The following RPS6KA2 variants were observed in gnomAD, a reference collection of about 807,000 sequenced individuals.
RPS6KA2 encodes ribosomal protein S6 kinase A2.
In RPS6KA2, 42 loss-of-function variants were observed where a neutral mutation model predicts 91.8. That is an observed-to-expected ratio of 0.46 (90% CI 0.36 to 0.59). RPS6KA2 has a LOEUF of 0.59. RPS6KA2 is among the 20% of genes least tolerant of loss of function. The probability of loss-of-function intolerance (pLI) is 0.00; values close to 1 mark genes in which losing one functional copy is unlikely to be tolerated. For missense variants in RPS6KA2, 798 were observed against 978.5 expected, an observed-to-expected ratio of 0.82 and a Z score of 2.46; for synonymous variants, 414 against 393.6, an observed-to-expected ratio of 1.05 and a Z score of -0.61.
intron 2 of RPS6KA2, among the ~76,000 whole-genome samples, chr6:166,824,706 T>G (rs1003434934): frequency 7.0e-6 from 1 of 143,592 alleles, no homozygotes; most frequent in Admixed American, 7.2e-5. Context: ...TGTGTCTGTG[T>G]GTGTGTGTCT....
rs1228189828 is a variant in RPS6KA2 at position 166,418,352 on chromosome 6, T to A, written c.1821-10A>T. On this transcript the variant is annotated splice_polypyrimidine_tract_variant and intron_variant, in intron 18 of 20. Transcript: ENST00000265678. The surrounding 1 kb of genome is among the most constrained non-coding windows in gnomAD (Gnocchi z 4.9). ...TGCAAAAGGGGTAAATCTGTATAAT[T>A]AGACAAATTTGTGGTAATGAGCTTG... is the stretch of plus-strand genomic sequence containing the variant. The A allele has an allele frequency of 6.3e-7, 1 of 1,595,256 alleles. No individual in the cohort carries two copies. Among genetic ancestry groups the A allele is most frequent in the East Asian group, 2.2e-5 (1 of 44,776 alleles).
chr6:166,710,499 T>C (rs1789812544), intron 2 of RPS6KA2, among the ~76,000 whole-genome samples: 1 of 151,126 alleles, frequency 6.6e-6, no homozygotes. Flanking sequence ...TGTGTGTGTG[T>C]GTGTGTGTGT....
chr6:166,587,780 C>T (rs1280233777), intron 1 of RPS6KA2, among the ~76,000 whole-genome samples: 2 of 152,152 alleles, frequency 1.3e-5, no homozygotes, highest in Non-Finnish European at 2.9e-5. Flanking sequence ...AACTAGCCGT[C>T]TGGCCTCACT....
chr6:166,530,944 G>T (rs542093549), intron 3 of RPS6KA2, among the ~76,000 whole-genome samples: 1 of 152,266 alleles, frequency 6.6e-6, no homozygotes, highest in Non-Finnish European at 1.5e-5. Flanking sequence ...CAGCCTGCTC[G>T]CAGCCTGCTG....
At position 166,572,677 on chromosome 6, in the gene RPS6KA2, G is replaced by C. The variant is rs541352325; in HGVS notation, c.100-33893C>G. ...CTGGGGATAGGGGACCAGGGTGGCT[G>C]AACCTGGACCAGCAAGGCCCCCTTT... On this transcript the variant is annotated intron_variant, in intron 1 of 20. Coordinates refer to ENST00000265678, the MANE Select transcript of RPS6KA2 (RefSeq NM_021135.6). Among the ~76,000 whole-genome samples, 6 of 152,344 alleles carry C rather than the reference G, an allele frequency of 3.9e-5. No homozygotes were observed. The East Asian group carries it at 9.7e-4, about 25-fold the overall frequency.
At chr6:166,841,621 C>T (rs1728853905) in intron 2 of RPS6KA2, among the ~76,000 whole-genome samples, 1 of 152,246 alleles carries the variant, frequency 6.6e-6, no homozygotes, top group African/African-American at 2.4e-5. Flanking sequence ...TGCACCCAGC[C>T]TCCAGAGGCC....
intron 10 of RPS6KA2, among the ~76,000 whole-genome samples, chr6:166,475,242 C>T (rs1370485761): frequency 1.3e-5 from 2 of 152,154 alleles, no homozygotes; most frequent in South Asian, 2.1e-4. Flanking sequence ...ACCACACAAC[C>T]ACCAGAACAA....
chr6:166,521,976 T>C (rs774736208), intron 3 of RPS6KA2, among the ~76,000 whole-genome samples: 3 of 152,164 alleles, frequency 2.0e-5, no homozygotes, highest in Non-Finnish European at 4.4e-5. Flanking sequence ...AGAGAGCTCA[T>C]TCATGCCTTC....
rs1778358110 is a variant in RPS6KA2 at position 166,767,776 on chromosome 6, CACACACACACACA to C, written c.123+90411_123+90423del. Among the ~76,000 whole-genome samples the C allele has an allele frequency of 3.4e-4, 1 of 2,940 alleles. No homozygotes were observed. Among genetic ancestry groups the C allele is most frequent in the Non-Finnish European group, 1.5e-3 (1 of 668 alleles). The allele number at this position is 2,940 out of a possible 152,430, so 1.9% of individuals were successfully genotyped here. The stretch of plus-strand genomic sequence containing the variant: ...GAACTAAAGACAATACCTCCTCAAA[CACACACACACACA>C]CACACACACACACACACACACACAC... On this transcript the variant is annotated intron_variant, in intron 2 of 21. Transcript: ENST00000503859. This position sits in a 1 kb window ranked among gnomAD's most constrained non-coding sequence, Gnocchi z 4.6.
chr6:166,850,443 C>T (rs763132186), intron 2 of RPS6KA2, among the ~76,000 whole-genome samples: 10 of 151,966 alleles, frequency 6.6e-5, no homozygotes, highest in Non-Finnish European at 1.3e-4. Context: ...ATAATACATC[C>T]CACCTATGAC....
In RPS6KA2 at chr6:166,465,948, T is replaced by C. The variant is rs558106699; in HGVS notation, c.972+3893A>G. Among the ~76,000 whole-genome samples the C allele has an allele frequency of 7.2e-4, 110 of 152,294 alleles. 2 individuals are homozygous for C. The Middle Eastern group carries it at 0.01, about 14-fold the overall frequency. ...TTCTGCCACTCACGGGCTGTGTGGG[T>C]TCAGGGCGCTGGGCAGAACAAGAGC... On this transcript the variant is annotated intron_variant, in intron 11 of 20. Transcript: ENST00000265678.
In RPS6KA2 at chr6:166,508,405, C is replaced by T. The variant is rs1782339623; in HGVS notation, c.380-123G>A. 11 of 660,494 alleles carry T rather than the reference C, an allele frequency of 1.7e-5. No individual in the cohort carries two copies. The highest frequency in any genetic ancestry group is 2.4e-5 in the Non-Finnish European group (9 of 369,680). 40.9% of individuals were successfully genotyped at this position (660,494 alleles called of 1,614,324 possible). On this transcript the variant is annotated intron_variant, in intron 4 of 20. Coordinates refer to ENST00000265678, the MANE Select transcript of RPS6KA2 (RefSeq NM_021135.6). This position sits in a 1 kb window ranked among gnomAD's most constrained non-coding sequence, Gnocchi z 4.3. ...GGAGGCTGAGTCACTTGAGAAACGG[C>T]AGGACCCCGGCTGGTGACCAGCTCA...
chr6:166,794,119 A>C (rs1217423643), intron 2 of RPS6KA2, among the ~76,000 whole-genome samples: 2 of 142,632 alleles, frequency 1.4e-5, no homozygotes, highest in East Asian at 4.2e-4. Context: ...ACAAAGGGCT[A>C]ATATCCAGAA....
chr6:166,655,428 A>T (rs1467077701), intron 2 of RPS6KA2, among the ~76,000 whole-genome samples: 3 of 152,224 alleles, frequency 2.0e-5, no homozygotes, highest in Admixed American at 2.0e-4. Context: ...AAAGTAGTAC[A>T]AACAGGTCAG....
At chr6:166,453,568 A>G (rs59585802) in intron 12 of RPS6KA2, among the ~76,000 whole-genome samples, 1,592 of 152,358 alleles carry the variant, frequency 0.01, 31 homozygotes, top group African/African-American at 0.037. Flanking sequence ...AGTCAAAAAA[A>G]TAACAGATGT....
rs1385432711 is a variant in RPS6KA2 at position 166,412,825 on chromosome 6, G to A, written c.2139C>T (p.Pro713=). The change falls in exon 21 of 21, where the codon CCC becomes CCT. Residue 713 remains proline, a synonymous_variant. Coordinates refer to ENST00000265678, the MANE Select transcript of RPS6KA2 (RefSeq NM_021135.6). This position sits in a 1 kb window ranked among gnomAD's most constrained non-coding sequence, Gnocchi z 4.3. Reference sequence around the variant, plus strand: ...GCTGAGCCAGGTTGGATGACAGCACGGGCTCCAGCCGCGGGGCCTGAGGTG... The same window carrying A: ...GCTGAGCCAGGTTGGATGACAGCACAGGCTCCAGCCGCGGGGCCTGAGGTG... ...NRTPQAPRLE[P]VLSSNLAQRR... 1 of 1,583,522 alleles carries A rather than the reference G, an allele frequency of 6.3e-7. No individual in the cohort carries two copies. Among genetic ancestry groups the A allele is most frequent in the Non-Finnish European group, 8.6e-7 (1 of 1,165,716 alleles).
rs908572080 is a variant in RPS6KA2 at position 166,500,391 on chromosome 6, C to G, written c.604+496G>C. Among the ~76,000 whole-genome samples, 3 of 152,158 alleles carry G rather than the reference C, an allele frequency of 2.0e-5. No individual in the cohort carries two copies. Among genetic ancestry groups the G allele is most frequent in the Non-Finnish European group, 4.4e-5 (3 of 68,034 alleles). On this transcript the variant is annotated intron_variant, in intron 7 of 20. Coordinates refer to ENST00000265678, the MANE Select transcript of RPS6KA2 (RefSeq NM_021135.6). This position sits in a 1 kb window ranked among gnomAD's most constrained non-coding sequence, Gnocchi z 4.3. ...GTGGCTGCCAGGGCTCAGATGGAAA[C>G]AGGGAGGGAAGTCACGTGGCCACCA...
At chr6:166,602,128 A>G (rs1785756286) in intron 1 of RPS6KA2, among the ~76,000 whole-genome samples, 1 of 152,242 alleles carries the variant, frequency 6.6e-6, no homozygotes, top group Admixed American at 6.5e-5. Context: ...CACACTGGCC[A>G]TCGGGCAGTG....
At chr6:166,668,893 T>C in intron 2 of RPS6KA2, among the ~76,000 whole-genome samples, 1 of 133,638 alleles carries the variant, frequency 7.5e-6, no homozygotes, top group South Asian at 2.7e-4. Context: ...CCTTTCTTTC[T>C]TTTCTTTTTT....
Sources: allele counts gnomAD v4.1 joint callset (sites outside exome capture counted in the v4.1 genomes callset), GRCh38; gene constraint gnomAD v4.1.1; non-coding constraint Gnocchi (gnomAD v3.1); transcripts MANE v1.5; gene names NCBI Gene and HGNC (gene_info 2026-07-23, HGNC 2026-07-21).